NUP210L: variants seen among roughly 807,000 people sequenced by gnomAD.
NUP210L encodes nuclear pore membrane glycoprotein 210-like.
In NUP210L, 74 loss-of-function variants were observed where a neutral mutation model predicts 208.5. The ratio of observed to expected loss-of-function variants is 0.35; its 90% CI spans 0.29 to 0.43. NUP210L has a LOEUF of 0.43. NUP210L is among the 20% of genes least tolerant of loss of function. The probability of loss-of-function intolerance (pLI) is 1.00; values close to 1 mark genes in which losing one functional copy is unlikely to be tolerated. For missense variants in NUP210L, 1,843 were observed against 2,289.4 expected (o/e 0.81, Z 3.98); for synonymous variants, 780 against 816.9 (o/e 0.95, Z 0.77).
At chr1:154,052,167 G>C (rs1229534033) in intron 25 of NUP210L, among the ~76,000 whole-genome samples, 1 of 152,200 alleles carries the variant, frequency 6.6e-6, no homozygotes, top group Non-Finnish European at 1.5e-5. Context: ...AGAACAATTG[G>C]TTTGGTAGTG....
Position 154,090,755 on chromosome 1 carries a change from G to A in NUP210L, c.2188-1161C>T, listed in dbSNP as rs561545814. Among the ~76,000 whole-genome samples the A allele has an allele frequency of 9.9e-5, 15 of 151,930 alleles. No homozygotes were observed. The South Asian group carries it at 1.7e-3, about 17-fold the overall frequency. ...GAACCCGGGAGGCGGAGGTTGCAGTGAGCCAAGATCATACCATTGCACTCC... is the reference window on the plus strand; with the variant it reads ...GAACCCGGGAGGCGGAGGTTGCAGTAAGCCAAGATCATACCATTGCACTCC... On this transcript the variant is annotated intron_variant, in intron 15 of 39. Transcript: ENST00000368559.
chr1:154,149,422 G>C (rs1659278030), intron 2 of NUP210L, among the ~76,000 whole-genome samples: 1 of 151,796 alleles, frequency 6.6e-6, no homozygotes, highest in Non-Finnish European at 1.5e-5. Flanking sequence ...TGACCATAAA[G>C]AAAAAAAACT....
chr1:154,081,878 G>A (rs1355426033), intron 16 of NUP210L, among the ~76,000 whole-genome samples: 1 of 152,058 alleles, frequency 6.6e-6, no homozygotes, highest in Non-Finnish European at 1.5e-5. Context: ...AGCTCCTCTA[G>A]AGGCTGAGGT....
At chr1:153,996,789 T>G (rs1392315108) in intron 37 of NUP210L, among the ~76,000 whole-genome samples, 2 of 152,056 alleles carry the variant, frequency 1.3e-5, no homozygotes, top group East Asian at 3.8e-4. Context: ...CAGGATGTCA[T>G]TTTTTGGGAG....
chr1:153,993,697 G>A (rs950430123), intron 38 of NUP210L, among the ~76,000 whole-genome samples: 3 of 151,886 alleles, frequency 2.0e-5, no homozygotes, highest in Non-Finnish European at 2.9e-5. Flanking sequence ...CAGACCACCT[G>A]AGGTCAGGCA....
At chr1:154,034,048 A>G (rs1652398193) in intron 27 of NUP210L, among the ~76,000 whole-genome samples, 1 of 151,712 alleles carries the variant, frequency 6.6e-6, no homozygotes, top group African/African-American at 2.4e-5. Context: ...CTGGCCATGA[A>G]TAATCTTTTT....
At chr1:154,142,345 C>A (rs372524561) in intron 3 of NUP210L, among the ~76,000 whole-genome samples, 1 of 151,914 alleles carries the variant, frequency 6.6e-6, no homozygotes, top group African/African-American at 2.4e-5. Context: ...TGAGCCACCA[C>A]GTCCCACCTA....
chr1:154,111,669 A>G (rs1657043041), intron 12 of NUP210L, among the ~76,000 whole-genome samples: 1 of 151,652 alleles, frequency 6.6e-6, no homozygotes. Context: ...AACAAAGCCC[A>G]GGACTTGATG....
intron 10 of NUP210L, among the ~76,000 whole-genome samples, chr1:154,124,180 C>T (rs1469503415): frequency 1.5e-5 from 2 of 134,126 alleles, no homozygotes; most frequent in African/African-American, 3.0e-5. Context: ...GAGTGAGACT[C>T]CATCTCAAAA....
At chr1:154,076,121 T>C (rs1446191208) in intron 16 of NUP210L, among the ~76,000 whole-genome samples, 4 of 130,802 alleles carry the variant, frequency 3.1e-5, no homozygotes, top group Admixed American at 8.3e-5. Flanking sequence ...TTTTTTTTTT[T>C]TGAAACAGAG....
chr1:154,092,543 G>GTT (rs1557971363), intron 15 of NUP210L, among the ~76,000 whole-genome samples: 1 of 135,708 alleles, frequency 7.4e-6, no homozygotes. Flanking sequence ...CTAGTTTTTT[G>GTT]TTTTTTGTTT....
chr1:154,076,063 A>C (rs949386514), intron 16 of NUP210L, among the ~76,000 whole-genome samples: 21 of 151,518 alleles, frequency 1.4e-4, no homozygotes, highest in African/African-American at 4.8e-4. Flanking sequence ...TGCTGGAATT[A>C]CAGGTATGAG....
At chr1:154,055,133 T>TTTCTTTTC (rs760970628) in intron 23 of NUP210L, among the ~76,000 whole-genome samples, 2 of 68,628 alleles carry the variant, frequency 2.9e-5, no homozygotes, top group African/African-American at 7.5e-5. Flanking sequence ...TTTTCTTTCT[T>TTTCTTTTC]TCTTTCTTTC....
chr1:154,137,216 A>C (rs1336324352), intron 6 of NUP210L, among the ~76,000 whole-genome samples: 7 of 152,040 alleles, frequency 4.6e-5, no homozygotes, highest in Non-Finnish European at 7.4e-5. Flanking sequence ...TGGGACAAGG[A>C]GTTCAAGACC....
At chr1:154,152,700 A>G in intron 2 of NUP210L, 36 bp downstream of exon 2, 2 of 1,588,422 alleles carry the variant, frequency 1.3e-6, no homozygotes, top group Non-Finnish European at 1.7e-6. Context: ...TCTACCCCAG[A>G]AGAAGTGATA....
At chr1:154,135,055 G>C (rs1356664215) in intron 7 of NUP210L, among the ~76,000 whole-genome samples, 2 of 151,836 alleles carry the variant, frequency 1.3e-5, no homozygotes, top group African/African-American at 2.4e-5. Flanking sequence ...ACCTTTCTTT[G>C]TTCAATCCTT....
chr1:154,135,898 C>T, exon 7 of NUP210L: 1 of 1,610,334 alleles, frequency 6.2e-7, no homozygotes. Context: ...GCCACTTTCT[C>T]AGAATGAGAC....
intron 7 of NUP210L, among the ~76,000 whole-genome samples, chr1:154,132,484 T>C (rs1412575165): frequency 2.0e-5 from 3 of 152,166 alleles, no homozygotes; most frequent in Non-Finnish European, 4.4e-5. Flanking sequence ...CTTTCTCTTA[T>C]ATTCTCCATC....
At chr1:154,136,081 T>G in intron 6 of NUP210L, 109 bp from the exon 7 acceptor site, 1 of 740,618 alleles carries the variant, frequency 1.4e-6, no homozygotes, top group Non-Finnish European at 2.3e-6. Context: ...AAAATAAGAG[T>G]ATGATCTGCT....
Sources: gnomAD v4.1 joint callset for allele counts (sites outside exome capture counted in the v4.1 genomes callset) on GRCh38, gnomAD v4.1.1 for gene constraint, MANE v1.5 for transcripts, NCBI Gene and HGNC (gene_info 2026-07-23, HGNC 2026-07-21) for gene names.